CSGALNACT1: variants seen among roughly 807,000 people sequenced by gnomAD.
CSGALNACT1 encodes the protein beta4GalNAcT-1.
In CSGALNACT1, 52 loss-of-function variants were observed where a neutral mutation model predicts 51.0. That is an observed-to-expected ratio of 1.02 (90% confidence interval 0.82 to 1.29). CSGALNACT1 has a LOEUF of 1.29. CSGALNACT1 is among the 50% of genes most tolerant of loss of function. CSGALNACT1 has a pLI of 0.00. For missense variants in CSGALNACT1, 935 were observed against 679.2 expected (o/e 1.38, Z -4.19); for synonymous variants, 341 against 254.4 (o/e 1.34, Z -3.24).
At chr8:19,738,654 T>C (rs999651445) in intron 1 of CSGALNACT1, among the ~76,000 whole-genome samples, 1 of 152,128 alleles carries the variant, frequency 6.6e-6, no homozygotes, top group Non-Finnish European at 1.5e-5. Context: ...TATTTTACCA[T>C]GATAAAAAAA....
intron 3 of CSGALNACT1, among the ~76,000 whole-genome samples, chr8:19,508,471 C>G (rs1287802471): frequency 6.6e-6 from 1 of 152,166 alleles, no homozygotes; most frequent in Non-Finnish European, 1.5e-5. Flanking sequence ...CCCTGGAAGC[C>G]TTTTCCATCT....
At chr8:19,494,726 T>C (rs1257453534) in intron 4 of CSGALNACT1, among the ~76,000 whole-genome samples, 2 of 152,220 alleles carry the variant, frequency 1.3e-5, no homozygotes, top group Admixed American at 6.5e-5. Flanking sequence ...CCTCTGGTTC[T>C]GTTCTTTACA....
In CSGALNACT1 at chr8:19,618,404, G is replaced by A. The variant is rs191735204; in HGVS notation, c.-543-16539C>T. ...ACCTGTAATCCCACAATTTTGGGAGGCTGAGGTGGGTGAATCACTTGAGGT... is the reference window on the plus strand; with the variant it reads ...ACCTGTAATCCCACAATTTTGGGAGACTGAGGTGGGTGAATCACTTGAGGT... On this transcript the variant is annotated intron_variant, in intron 1 of 9. Coordinates refer to the CSGALNACT1 transcript ENST00000332246. Among the ~76,000 whole-genome samples, 20 of 152,028 alleles carry A rather than the reference G, an allele frequency of 1.3e-4. No homozygotes were observed. The East Asian group carries it at 1.4e-3, about 10-fold the overall frequency.
chr8:19,515,413 G>A (rs1028245500), intron 3 of CSGALNACT1, among the ~76,000 whole-genome samples: 1 of 152,192 alleles, frequency 6.6e-6, no homozygotes, highest in Non-Finnish European at 1.5e-5. Flanking sequence ...ACCCAGCCCA[G>A]GGGAATGGGC....
rs541260202 is a variant in CSGALNACT1, at chr8:19,716,134, G to A, written c.-297+41716C>T. On this transcript the variant is annotated intron_variant, in intron 1 of 1. Coordinates refer to the CSGALNACT1 transcript ENST00000517494. ...ATCCTGCCAATCCTTCAATAATCCC[G>A]CCCTTTCCTCTAACACAGTCCTGAA... 4.6e-5 allele frequency among the ~76,000 whole-genome samples: 7 copies of A among 152,064 alleles called. No individual in the cohort carries two copies. In the South Asian group the frequency reaches 6.2e-4, roughly 14 times the overall value.
chr8:19,530,480 T>G (rs2154053643), intron 3 of CSGALNACT1, among the ~76,000 whole-genome samples: 1 of 152,352 alleles, frequency 6.6e-6, no homozygotes, highest in East Asian at 1.9e-4. Flanking sequence ...TCTACATTTA[T>G]GCATTATAAT....
chr8:19,468,375 C>A (rs150300110), intron 4 of CSGALNACT1, among the ~76,000 whole-genome samples: 1 of 152,150 alleles, frequency 6.6e-6, no homozygotes, highest in Non-Finnish European at 1.5e-5. Flanking sequence ...CTGGAAAGGC[C>A]GACGTGGAGC....
intron 6 of CSGALNACT1, among the ~76,000 whole-genome samples, chr8:19,434,849 A>C (rs896734976): frequency 6.6e-6 from 1 of 152,170 alleles, no homozygotes; most frequent in Non-Finnish European, 1.5e-5. Flanking sequence ...GAAAAAAAAA[A>C]AAGCAAATCA....
At chr8:19,689,330 C>G (rs73216641) in intron 1 of CSGALNACT1, among the ~76,000 whole-genome samples, 2,293 of 152,236 alleles carry the variant, frequency 0.015, 30 homozygotes, top group South Asian at 0.044. Flanking sequence ...GAACCAGGAC[C>G]CCGGCCCTGG....
intron 3 of CSGALNACT1, among the ~76,000 whole-genome samples, chr8:19,567,376 T>A (rs1440736457): frequency 6.6e-6 from 1 of 152,222 alleles, no homozygotes; most frequent in African/African-American, 2.4e-5. Context: ...AATATTATGT[T>A]AATGAGAGTG....
intron 1 of CSGALNACT1, among the ~76,000 whole-genome samples, chr8:19,715,116 A>T (rs10112753): frequency 0.36 from 54,915 of 152,006 alleles, 10,729 homozygotes; most frequent in East Asian, 0.65. Flanking sequence ...TACTTCTTAC[A>T]TGGTGGCAGC....
intron 5 of CSGALNACT1, among the ~76,000 whole-genome samples, chr8:19,441,989 A>T (rs2061396429): frequency 1.3e-5 from 2 of 152,266 alleles, no homozygotes; most frequent in Non-Finnish European, 2.9e-5. Flanking sequence ...CCTGGCAATC[A>T]GAGAAATGCA....
intron 3 of CSGALNACT1, among the ~76,000 whole-genome samples, chr8:19,521,040 C>A (rs1446542470): frequency 6.6e-6 from 1 of 152,130 alleles, no homozygotes; most frequent in Non-Finnish European, 1.5e-5. Flanking sequence ...AACACACCGT[C>A]CTGGAGCGTA....
intron 6 of CSGALNACT1, among the ~76,000 whole-genome samples, chr8:19,429,330 C>A (rs993060544): frequency 6.6e-6 from 1 of 152,142 alleles, no homozygotes; most frequent in Non-Finnish European, 1.5e-5. Context: ...GTGTGAGCCA[C>A]CACACCTGGC....
At chr8:19,663,303 C>T (rs899360054) in intron 1 of CSGALNACT1, among the ~76,000 whole-genome samples, 6 of 152,116 alleles carry the variant, frequency 3.9e-5, no homozygotes, top group Admixed American at 6.5e-5. Flanking sequence ...CCCCTTCCTA[C>T]GATGGTTGAA....
At chr8:19,563,319 G>T (rs988937582) in intron 3 of CSGALNACT1, among the ~76,000 whole-genome samples, 1 of 152,152 alleles carries the variant, frequency 6.6e-6, no homozygotes, top group African/African-American at 2.4e-5. Context: ...AATAGCTAAA[G>T]CATGTTGGGA....
rs544354499 is a variant in CSGALNACT1, at chr8:19,665,389, C to T, written c.-544+17084G>A. On this transcript the variant is annotated intron_variant, in intron 1 of 9. Coordinates refer to the CSGALNACT1 transcript ENST00000332246. Reference sequence around the variant, plus strand: ...TCCAACACAGTATTTTAAGTGGTTACAAATGTCTGTTTATGAACAGCTTGC... The same window carrying T: ...TCCAACACAGTATTTTAAGTGGTTATAAATGTCTGTTTATGAACAGCTTGC... Among the ~76,000 whole-genome samples, 15 of 152,256 alleles carry T rather than the reference C, an allele frequency of 9.9e-5. No individual in the cohort carries two copies. In the East Asian group the frequency reaches 2.9e-3, roughly 29 times the overall value.
intron 1 of CSGALNACT1, among the ~76,000 whole-genome samples, chr8:19,704,225 A>G (rs1226093619): frequency 2.0e-5 from 3 of 152,212 alleles, no homozygotes; most frequent in Non-Finnish European, 2.9e-5. Context: ...TGTGCTGCCA[A>G]AGGAGAAAGA....
At chr8:19,557,248 A>C (rs1046331191) in intron 3 of CSGALNACT1, among the ~76,000 whole-genome samples, 8 of 152,182 alleles carry the variant, frequency 5.3e-5, no homozygotes, top group Non-Finnish European at 8.8e-5. Flanking sequence ...CTGTCTACCC[A>C]TAATTCCCTT....
Sources: gnomAD v4.1 joint callset for allele counts (sites outside exome capture counted in the v4.1 genomes callset) on GRCh38, gnomAD v4.1.1 for gene constraint, MANE v1.5 for transcripts, NCBI Gene and HGNC (gene_info 2026-07-23, HGNC 2026-07-21) for gene names.